Variants in COL14A1 observed in about 807,000 individuals in gnomAD.
COL14A1 encodes the protein collagen type XIV alpha 1 chain.
COL14A1 carries 136 observed loss-of-function variants against 230.3 expected under a neutral mutation model. That is an observed-to-expected ratio of 0.59 (90% CI 0.51 to 0.68). The LOEUF is 0.68. Among genes scored for constraint, COL14A1 ranks in the 30% least tolerant of loss-of-function variants. COL14A1 has a pLI of 0.00. For missense variants in COL14A1, 1,976 were observed against 2,215.8 expected, an observed-to-expected ratio of 0.89 and a Z score of 2.17; for synonymous variants, 792 against 784.1, an observed-to-expected ratio of 1.01 and a Z score of -0.17.
intron 36 of COL14A1, among the ~76,000 whole-genome samples, chr8:120,308,182 A>T (rs934508217): frequency 1.3e-5 from 2 of 152,206 alleles, no homozygotes; most frequent in African/African-American, 2.4e-5. Flanking sequence ...GGGTTTCACC[A>T]TGTTGGCCAG....
intron 29 of COL14A1, 64 bp downstream of exon 29, chr8:120,280,163 A>G (rs1819992425): frequency 6.4e-7 from 1 of 1,561,296 alleles, no homozygotes; most frequent in South Asian, 1.1e-5. Context: ...GACACTGGTT[A>G]AATAGTGAGT....
chr8:120,162,316 C>A, intron 3 of COL14A1, 110 bp from the exon 4 acceptor site: 1 of 819,762 alleles, frequency 1.2e-6, no homozygotes, highest in Non-Finnish European at 1.8e-6. Flanking sequence ...AAACACATTT[C>A]AAAAAATGCC....
Position 120,369,368 on chromosome 8 carries a change from C to T in COL14A1, c.5194C>T (p.Pro1732Ser), listed in dbSNP as rs752462824. The part of the protein sequence containing the change: ...GESRPGSPGP[P>S]GSPGPRGPPG... ...GAGTCGGCCTGGCAGCCCTGGGCCC[C>T]CTGGCTCTCCTGGACCAAGAGGCCC... Residue 1732 changes from proline to serine, a missense_variant, in exon 47 of 48, where the codon CCT becomes TCT. Physicochemically the swap from Pro to Ser is moderately conservative, Grantham distance 74 (BLOSUM62 -1). Transcript: ENST00000297848. The T allele has an allele frequency of 1.2e-6, 2 of 1,602,206 alleles. No individual in the cohort carries two copies. The highest frequency in any genetic ancestry group is 1.3e-5 in the African/African-American group (1 of 74,594).
intron 26 of COL14A1, among the ~76,000 whole-genome samples, chr8:120,272,630 A>G (rs1819704187): frequency 6.6e-6 from 1 of 151,692 alleles, no homozygotes; most frequent in Non-Finnish European, 1.5e-5. Context: ...ACCCAAAGCA[A>G]GCAGGAGTAG....
chr8:120,207,437 G>T (rs976266571), intron 10 of COL14A1, among the ~76,000 whole-genome samples: 2 of 152,132 alleles, frequency 1.3e-5, no homozygotes, highest in Non-Finnish European at 2.9e-5. Context: ...TTCTACTTGG[G>T]AGTGGTCTGA....
intron 36 of COL14A1, among the ~76,000 whole-genome samples, chr8:120,306,938 T>C (rs924168547): frequency 1.3e-5 from 2 of 152,196 alleles, no homozygotes; most frequent in African/African-American, 4.8e-5. Flanking sequence ...GTATATTAAC[T>C]GGGAGAGACT....
chr8:120,185,945 T>C (rs1163106991), intron 5 of COL14A1, among the ~76,000 whole-genome samples: 1 of 152,148 alleles, frequency 6.6e-6, no homozygotes, highest in Non-Finnish European at 1.5e-5. Context: ...GCTAATTTTT[T>C]GTATTTTTAG....
chr8:120,159,997 T>C (rs1305686439), intron 3 of COL14A1, among the ~76,000 whole-genome samples: 2 of 152,134 alleles, frequency 1.3e-5, no homozygotes, highest in Non-Finnish European at 2.9e-5. Flanking sequence ...CAGCCTGATA[T>C]ATCTTTCATT....
intron 19 of COL14A1, among the ~76,000 whole-genome samples, chr8:120,239,456 C>T (rs563028149): frequency 6.6e-6 from 1 of 152,120 alleles, no homozygotes. Flanking sequence ...CCCCAGAATC[C>T]TTTAAGGAAA....
chr8:120,229,239 C>A (rs997675772), intron 18 of COL14A1, among the ~76,000 whole-genome samples: 2 of 149,302 alleles, frequency 1.3e-5, no homozygotes, highest in Admixed American at 6.7e-5. Flanking sequence ...TTAGGTATAT[C>A]TCCCAATGCT....
intron 1 of COL14A1, among the ~76,000 whole-genome samples, chr8:120,138,046 T>C (rs900488427): frequency 2.0e-5 from 3 of 152,142 alleles, no homozygotes; most frequent in Non-Finnish European, 4.4e-5. Context: ...ACTTAAAAAA[T>C]GTACATTTTT....
intron 40 of COL14A1, among the ~76,000 whole-genome samples, chr8:120,324,840 C>T (rs978948297): frequency 1.3e-5 from 2 of 152,118 alleles, no homozygotes; most frequent in African/African-American, 4.8e-5. Flanking sequence ...AACAAGTATT[C>T]TCCTTTCTGA....
At chr8:120,332,805 C>A in intron 42 of COL14A1, 70 bp downstream of exon 42, 1 of 1,260,860 alleles carries the variant, frequency 7.9e-7, no homozygotes, top group Non-Finnish European at 1.1e-6. Context: ...TTTAAATTTA[C>A]CAGCCTTTCT....
At chr8:120,314,084 T>C in intron 38 of COL14A1, 57 bp downstream of exon 38, 1 of 1,271,750 alleles carries the variant, frequency 7.9e-7, no homozygotes, top group South Asian at 1.4e-5. Flanking sequence ...TCCATGAGGT[T>C]ACAAAGAATG....
chr8:120,266,986 TG>T, intron 25 of COL14A1, 103 bp downstream of exon 25: 3 of 1,020,094 alleles, frequency 2.9e-6, no homozygotes, highest in Non-Finnish European at 4.5e-6. Flanking sequence ...GTATATTTAT[TG>T]TGCTACCTAA....
At chr8:120,332,848 C>G (rs546401387) in intron 42 of COL14A1, 113 bp downstream of exon 42, 1 of 738,686 alleles carries the variant, frequency 1.4e-6, no homozygotes, top group East Asian at 2.9e-5. Flanking sequence ...GCACTGGACT[C>G]TATGGAAATT....
In COL14A1 at chr8:120,345,460, G is replaced by T. The variant is rs750810651; in HGVS notation, c.4974G>T (p.Glu1658Asp). The T allele has an allele frequency of 6.2e-7, 1 of 1,602,916 alleles. No individual in the cohort carries two copies. The highest frequency in any genetic ancestry group is 8.5e-7 in the Non-Finnish European group (1 of 1,174,958). Residue 1658 changes from glutamate (E) to aspartate (D), a missense_variant, in exon 45 of 48, where the codon GAG becomes GAT. Coordinates refer to ENST00000297848, the MANE Select transcript of COL14A1 (RefSeq NM_021110.4). ...GGACTGTCCAAGGGCCTCCTGGGGA[G>T]CCTGGGAGGCCAGGCTCACCTGGAG... ...SIRTVQGPPG[E>D]PGRPGSPGAP...
At chr8:120,277,299 G>A (rs1308126011) in intron 26 of COL14A1, among the ~76,000 whole-genome samples, 1 of 152,092 alleles carries the variant, frequency 6.6e-6, no homozygotes, top group Non-Finnish European at 1.5e-5. Context: ...TCATAGGTTT[G>A]CTTCATAAGG....
rs1398730658 is a variant in COL14A1 at position 120,192,374 on chromosome 8, C to T, written c.437-4417C>T. ...TCTTTAAGAATGTTGAATATTGGCC[C>T]CCACTCTCTTCTGGCTTGTAGAGTT... On this transcript the variant is annotated intron_variant, in intron 5 of 47. Transcript: ENST00000297848. Among the ~76,000 whole-genome samples, 4 of 152,244 alleles carry T rather than the reference C, an allele frequency of 2.6e-5. No homozygotes were observed. In the East Asian group the frequency reaches 5.8e-4, roughly 22 times the overall value.
Sources: gnomAD v4.1 joint callset for allele counts (sites outside exome capture counted in the v4.1 genomes callset) on GRCh38, gnomAD v4.1.1 for gene constraint, MANE v1.5 for transcripts, NCBI Gene and HGNC (gene_info 2026-07-23, HGNC 2026-07-21) for gene names.